The following UGT1A7 variants were observed in gnomAD, a reference collection of about 807,000 sequenced individuals.
UGT1A7 encodes UDP-glucuronosyltransferase 1A7.
In UGT1A7, 33 loss-of-function variants were observed where a neutral mutation model predicts 45.6. The ratio of observed to expected loss-of-function variants is 0.72; its 90% CI spans 0.55 to 0.97. The LOEUF (loss-of-function observed/expected upper bound fraction) is 0.97, where lower values mean the gene tolerates loss of function less well. Ranked by LOEUF, UGT1A7 falls within the 50% of genes least tolerant of loss-of-function variation. UGT1A7 has a pLI of 0.00. For synonymous variants in UGT1A7, 274 were observed against 250.6 expected, an observed-to-expected ratio of 1.09 and a Z score of -0.88; for missense variants, 684 against 666.2, an observed-to-expected ratio of 1.03 and a Z score of -0.29.
chr2:233,755,411 C>T (rs1182147250), intron 1 of UGT1A7: 6 of 330,824 alleles, frequency 1.8e-5, no homozygotes, highest in African/African-American at 1.1e-4. Flanking sequence ...TTGGCCGAGG[C>T]CTGTGAGCGC....
intron 1 of UGT1A7, among the ~76,000 whole-genome samples, chr2:233,704,378 C>G (rs113589213): frequency 1.3e-5 from 2 of 151,338 alleles, no homozygotes; most frequent in South Asian, 4.2e-4. Context: ...CTTAGCACAT[C>G]GATTTTAACT....
intron 1 of UGT1A7, among the ~76,000 whole-genome samples, chr2:233,720,647 A>G (rs1240527051): frequency 6.6e-6 from 1 of 152,088 alleles, no homozygotes; most frequent in African/African-American, 2.4e-5. Flanking sequence ...CTGGGATGTG[A>G]AAAACCAAAT....
At chr2:233,758,936 A>C (rs3755319) in intron 1 of UGT1A7, among the ~76,000 whole-genome samples, 79,279 of 152,106 alleles carry the variant, frequency 0.52, 21,809 homozygotes, top group African/African-American at 0.7. Context: ...TTGACTTCAA[A>C]TCAGTCATCA....
chr2:233,709,363 T>C (rs909070965), intron 1 of UGT1A7, among the ~76,000 whole-genome samples: 1 of 152,220 alleles, frequency 6.6e-6, no homozygotes, highest in Non-Finnish European at 1.5e-5. Flanking sequence ...TATAGATTTT[T>C]CTGTGTCCTA....
intron 1 of UGT1A7, among the ~76,000 whole-genome samples, chr2:233,689,467 GA>G (rs1414189798): frequency 6.6e-6 from 1 of 152,202 alleles, no homozygotes. Context: ...TAGGAAAACA[GA>G]AGTTACAAGA....
rs543459576 is a variant in UGT1A7, at chr2:233,694,307, T to G, written c.855+11515T>G. On this transcript the variant is annotated intron_variant, in intron 1 of 4. Transcript: ENST00000373426. ...TCTGCCCAAAGGCCTGTTTTTTGTT[T>G]TTTTTTTTCCTTTTATGTTGAGACC... Among the ~76,000 whole-genome samples, 8 of 152,084 alleles carry G rather than the reference T, an allele frequency of 5.3e-5. No homozygotes were observed. The East Asian group carries it at 1.4e-3, about 26-fold the overall frequency.
intron 1 of UGT1A7, chr2:233,718,803 T>G: frequency 6.2e-7 from 1 of 1,613,256 alleles, no homozygotes; most frequent in Non-Finnish European, 8.5e-7. Flanking sequence ...CAGTCAGCTG[T>G]CGGTGGCTTC....
chr2:233,717,184 T>G (rs1236730642), intron 1 of UGT1A7, among the ~76,000 whole-genome samples: 1 of 152,144 alleles, frequency 6.6e-6, no homozygotes. Context: ...AAGAGCACCC[T>G]CCCAGGCATG....
intron 1 of UGT1A7, among the ~76,000 whole-genome samples, chr2:233,764,312 GA>G (rs1174079806): frequency 1.3e-5 from 2 of 152,150 alleles, no homozygotes; most frequent in East Asian, 3.8e-4. Flanking sequence ...AAGTTTAAGG[GA>G]AGCTTTGCCA....
intron 1 of UGT1A7, among the ~76,000 whole-genome samples, chr2:233,766,371 C>T (rs997095711): frequency 1.3e-5 from 2 of 152,154 alleles, no homozygotes; most frequent in Non-Finnish European, 2.9e-5. Context: ...TTGGTGAGTT[C>T]TTCTCAATGT....
chr2:233,755,356 C>T, intron 1 of UGT1A7: 1 of 377,544 alleles, frequency 2.6e-6, no homozygotes, highest in Non-Finnish European at 4.9e-6. Context: ...GCTTGGCGAC[C>T]TGGGCCGCCT....
intron 1 of UGT1A7, chr2:233,729,094 G>T: frequency 9.9e-6 from 16 of 1,612,652 alleles, no homozygotes; most frequent in Non-Finnish European, 1.4e-5. Flanking sequence ...ACAGCGTGGG[G>T]TGGACAGTCA....
rs368860136 is a variant in UGT1A7, at chr2:233,772,310, G to A, written c.1344G>A (p.Pro448=). The A allele has an allele frequency of 6.6e-5, 107 of 1,614,092 alleles. No individual in the cohort carries two copies. The highest frequency in any genetic ancestry group is 2.5e-4 in the African/African-American group (19 of 74,926). ...MRLSSLHKDR[P]VEPLDLAVFW... ...TCTCCAGCCTTCACAAGGACCGCCCGGTGGAGCCGCTGGACCTGGCCGTGT... is the reference window on the plus strand; with the variant it reads ...TCTCCAGCCTTCACAAGGACCGCCCAGTGGAGCCGCTGGACCTGGCCGTGT... Residue 448 remains proline, a synonymous_variant, in exon 5 of 5, where the codon CCG becomes CCA. Transcript: ENST00000373426.
intron 1 of UGT1A7, chr2:233,719,069 A>G (rs774814247): frequency 7.4e-6 from 12 of 1,614,284 alleles, no homozygotes; most frequent in South Asian, 1.1e-5. Flanking sequence ...ATGCTGTTCC[A>G]TGGACCCAGA....
chr2:233,767,903 C>T lies in UGT1A7; in HGVS notation c.1042C>T (p.Leu348Phe), dbSNP rs549391527. 1 of 1,614,178 alleles carries T rather than the reference C, an allele frequency of 6.2e-7. No homozygotes were observed. Among genetic ancestry groups the T allele is most frequent in the Admixed American group, 1.7e-5 (1 of 60,018 alleles). Residue 348 changes from leucine to phenylalanine, a missense_variant, in exon 3 of 5, where the codon CTT becomes TTT. Coordinates refer to ENST00000373426, the MANE Select transcript of UGT1A7 (RefSeq NM_019077.3). ...ATCGAATCTTGCGAACAACACGATA[C>T]TTGTTAAGTGGCTACCCCAAAACGA... Reference protein sequence around the residue: ...RPSNLANNTILVKWLPQNDLL... With the variant: ...RPSNLANNTIFVKWLPQNDLL...
At chr2:233,743,679 C>G (rs773832305) in intron 1 of UGT1A7, 3 of 1,367,098 alleles carry the variant, frequency 2.2e-6, no homozygotes, top group African/African-American at 3.0e-5. Context: ...AAGGGCCTGC[C>G]GCCTGTGCAG....
At chr2:233,771,873 A>C (rs912640618) in intron 4 of UGT1A7, among the ~76,000 whole-genome samples, 1 of 150,972 alleles carries the variant, frequency 6.6e-6, no homozygotes, top group African/African-American at 2.4e-5. Context: ...ACATTTATTA[A>C]GAATAAGTTT....
At chr2:233,726,450 A>G (rs538330915) in intron 1 of UGT1A7, among the ~76,000 whole-genome samples, 2 of 152,312 alleles carry the variant, frequency 1.3e-5, no homozygotes, top group South Asian at 4.1e-4. Context: ...TTTCCACTGA[A>G]TGTAAGCTCA....
At chr2:233,770,880 T>C (rs1452182002) in intron 4 of UGT1A7, 6 of 152,248 alleles carry the variant, frequency 3.9e-5, no homozygotes, top group African/African-American at 1.2e-4. Context: ...AGAGGTTTCA[T>C]TGGCTCGTGT....
Sources: allele counts gnomAD v4.1 joint callset (sites outside exome capture counted in the v4.1 genomes callset), GRCh38; gene constraint gnomAD v4.1.1; transcripts MANE v1.5; gene names NCBI Gene and HGNC (gene_info 2026-07-23, HGNC 2026-07-21).